The following BMP5 variants were observed in gnomAD, a reference collection of about 807,000 sequenced individuals.
The protein encoded by BMP5 is bone morphogenetic protein 5.
BMP5 carries 23 observed loss-of-function variants against 46.6 expected under a neutral mutation model. That is an observed-to-expected ratio of 0.49 (90% CI 0.35 to 0.70). The LOEUF (loss-of-function observed/expected upper bound fraction) is 0.70, where lower values mean the gene tolerates loss of function less well. Ranked by LOEUF, BMP5 falls within the 30% of genes least tolerant of loss-of-function variation. The pLI is 0.00. For missense variants in BMP5, 545 were observed against 565.6 expected (o/e 0.96, Z 0.37); for synonymous variants, 204 against 191.9 (o/e 1.06, Z -0.52).
chr6:55,860,806 T>A (rs1388496743), intron 1 of BMP5, among the ~76,000 whole-genome samples: 1 of 152,228 alleles, frequency 6.6e-6, no homozygotes, highest in Non-Finnish European at 1.5e-5. Context: ...GATAGCCGGG[T>A]CTGAACTGTC....
intron 2 of BMP5, among the ~76,000 whole-genome samples, chr6:55,796,674 C>A (rs1775720821): frequency 7.4e-6 from 1 of 134,924 alleles, no homozygotes; most frequent in Non-Finnish European, 1.6e-5. Flanking sequence ...CAACAGTCCC[C>A]AGAGTGTGAT....
intron 3 of BMP5, among the ~76,000 whole-genome samples, 176 bp from the exon 4 acceptor site, chr6:55,774,419 A>G (rs1161022380): frequency 6.6e-6 from 1 of 151,914 alleles, no homozygotes; most frequent in African/African-American, 2.4e-5. Context: ...ACAATTATCC[A>G]TCTATGGTGT....
intron 1 of BMP5, among the ~76,000 whole-genome samples, chr6:55,847,251 T>C (rs1777119441): frequency 6.6e-6 from 1 of 151,922 alleles, no homozygotes; most frequent in Non-Finnish European, 1.5e-5. Context: ...CCAGGATAAA[T>C]ATCCATGACT....
At chr6:55,766,455 C>G (rs1774918937) in intron 4 of BMP5, among the ~76,000 whole-genome samples, 1 of 152,006 alleles carries the variant, frequency 6.6e-6, no homozygotes, top group East Asian at 1.9e-4. Context: ...CTCCCCTCTC[C>G]AGAGTCCTGG....
chr6:55,760,444 T>A lies in BMP5; in HGVS notation c.1104+13A>T. ...TCAGAAAAGAAGCACCAAAGTTGAC[T>A]GAAAATTCCTACCTGCCATCCCAGA... On this transcript the variant is annotated intron_variant, in intron 5 of 6. Coordinates refer to ENST00000370830, the MANE Select transcript of BMP5 (RefSeq NM_021073.4). 6.2e-7 allele frequency: 1 copy of A among 1,612,196 alleles called. No individual in the cohort carries two copies. The highest frequency in any genetic ancestry group is 1.1e-5 in the South Asian group (1 of 91,038).
intron 1 of BMP5, among the ~76,000 whole-genome samples, chr6:55,855,557 C>T (rs1777373212): frequency 6.6e-6 from 1 of 152,094 alleles, no homozygotes; most frequent in African/African-American, 2.4e-5. Flanking sequence ...CTTGGTCTTG[C>T]AAATTAACAA....
chr6:55,807,500 T>G lies in BMP5; in HGVS notation c.683+12155A>C, dbSNP rs577364508. Among the ~76,000 whole-genome samples the G allele has an allele frequency of 1.5e-3, 234 of 152,346 alleles. 1 individual carries two copies. Among genetic ancestry groups the G allele is most frequent in the Non-Finnish European group, 2.9e-3 (195 of 68,032 alleles). On this transcript the variant is annotated intron_variant, in intron 2 of 6. Coordinates refer to ENST00000370830, the MANE Select transcript of BMP5 (RefSeq NM_021073.4). ...TTGAGGATTTTCACATCGATGTTCA[T>G]TAGGGATATTGGCCTGAAGTTTTCT...
chr6:55,841,600 G>GT (rs148245223), intron 1 of BMP5, among the ~76,000 whole-genome samples: 6 of 150,636 alleles, frequency 4.0e-5, no homozygotes, highest in Admixed American at 1.3e-4. Context: ...TCTGGTGGTG[G>GT]TGTTTGTTTG....
intron 1 of BMP5, among the ~76,000 whole-genome samples, chr6:55,828,325 A>G (rs1222856381): frequency 6.6e-6 from 1 of 151,856 alleles, no homozygotes; most frequent in African/African-American, 2.4e-5. Flanking sequence ...TAAGTAGTAG[A>G]TTAATGCCAA....
rs563709587 is a variant in BMP5 at position 55,840,685 on chromosome 6, T to C, written c.491-20838A>G. 5.6e-4 allele frequency among the ~76,000 whole-genome samples: 85 copies of C among 152,364 alleles called. 2 individuals are homozygous for C. The South Asian group carries it at 0.015, about 26-fold the overall frequency. ...GGATTTTTATCTTTTTAAAGTATTA[T>C]TGCTTTGTCATCTGATTTCCAATGT... On this transcript the variant is annotated intron_variant, in intron 1 of 6. Transcript: ENST00000370830.
chr6:55,760,217 T>A (rs1306378031), intron 5 of BMP5, among the ~76,000 whole-genome samples: 1 of 151,988 alleles, frequency 6.6e-6, no homozygotes, highest in Non-Finnish European at 1.5e-5. Flanking sequence ...TTCCTAAATA[T>A]CTTAGTGTTC....
At chr6:55,828,406 A>T (rs1776580887) in intron 1 of BMP5, among the ~76,000 whole-genome samples, 1 of 151,802 alleles carries the variant, frequency 6.6e-6, no homozygotes, top group African/African-American at 2.4e-5. Context: ...GAAAAGACAG[A>T]CATCAAAAGT....
At chr6:55,866,857 C>A (rs1333218790) in intron 1 of BMP5, among the ~76,000 whole-genome samples, 1 of 152,110 alleles carries the variant, frequency 6.6e-6, no homozygotes, top group African/African-American at 2.4e-5. Context: ...ATTTCACCAA[C>A]TCCTGAAGTA....
chr6:55,837,739 T>C (rs1351675871), intron 1 of BMP5, among the ~76,000 whole-genome samples: 1 of 151,954 alleles, frequency 6.6e-6, no homozygotes, highest in African/African-American at 2.4e-5. Flanking sequence ...TACCAAAGAG[T>C]AGGTTTTATT....
chr6:55,759,517 C>A (rs1375635045), intron 5 of BMP5, among the ~76,000 whole-genome samples: 11 of 151,626 alleles, frequency 7.3e-5, no homozygotes, highest in Non-Finnish European at 1.5e-5. Flanking sequence ...TCAAGTGAAC[C>A]CGAAAGAAAA....
intron 2 of BMP5, among the ~76,000 whole-genome samples, chr6:55,798,810 T>C (rs1019836044): frequency 1.3e-5 from 2 of 152,166 alleles, no homozygotes; most frequent in Non-Finnish European, 2.9e-5. Flanking sequence ...TATTGGTATG[T>C]TTGTGTATAT....
At chr6:55,825,299 A>C (rs1776502975) in intron 1 of BMP5, among the ~76,000 whole-genome samples, 1 of 151,924 alleles carries the variant, frequency 6.6e-6, no homozygotes, top group Admixed American at 6.6e-5. Flanking sequence ...TTACAGAGCT[A>C]TCTAGAGAAA....
chr6:55,853,005 C>A (rs1253290907), intron 1 of BMP5, among the ~76,000 whole-genome samples: 3 of 151,804 alleles, frequency 2.0e-5, no homozygotes, highest in African/African-American at 4.8e-5. Flanking sequence ...TGGTGCCCGC[C>A]TGTAGTCCCA....
Position 55,837,097 on chromosome 6 carries a change from G to C in BMP5, c.491-17250C>G, listed in dbSNP as rs1398081296. Among the ~76,000 whole-genome samples the C allele has an allele frequency of 1.3e-5, 2 of 150,840 alleles. 1 individual carries two copies. Among genetic ancestry groups the C allele is most frequent in the Non-Finnish European group, 2.9e-5 (2 of 67,822 alleles). On this transcript the variant is annotated intron_variant, in intron 1 of 6. Coordinates refer to ENST00000370830, the MANE Select transcript of BMP5 (RefSeq NM_021073.4). ...GAAAGAGTCTGCTTTTGTTTTCTAG[G>C]CTGGAGTGCAGTGGCGCGATCACTG... is the stretch of plus-strand genomic sequence containing the variant.
Sources: gnomAD v4.1 joint callset for allele counts (sites outside exome capture counted in the v4.1 genomes callset) on GRCh38, gnomAD v4.1.1 for gene constraint, MANE v1.5 for transcripts, NCBI Gene and HGNC (gene_info 2026-07-23, HGNC 2026-07-21) for gene names.